The following NWD2 variants were observed in gnomAD, a reference collection of about 807,000 sequenced individuals.
The protein encoded by NWD2 is NACHT and WD repeat domain-containing protein 2.
In NWD2, 37 loss-of-function variants were observed where a neutral mutation model predicts 132.7. The observed-to-expected ratio is 0.28, with a 90% confidence interval of 0.21 to 0.37. The LOEUF (loss-of-function observed/expected upper bound fraction) is 0.37, where lower values mean the gene tolerates loss of function less well. Among genes scored for constraint, NWD2 ranks in the 10% least tolerant of loss-of-function variants. The pLI is 1.00. For missense variants in NWD2, 1,592 were observed against 2,122.4 expected (o/e 0.75, Z 4.91); for synonymous variants, 705 against 803.0 (o/e 0.88, Z 2.06).
intron 3 of NWD2, among the ~76,000 whole-genome samples, chr4:37,371,879 T>G (rs1720235319): frequency 6.6e-6 from 1 of 152,212 alleles, no homozygotes; most frequent in Non-Finnish European, 1.5e-5. Flanking sequence ...ATTTTAACAT[T>G]TTTTTCTAGA....
chr4:37,310,590 T>G (rs1376845288), intron 1 of NWD2, among the ~76,000 whole-genome samples: 2 of 4,706 alleles, frequency 4.2e-4, no homozygotes, highest in Non-Finnish European at 1.2e-3. Context: ...GTGGAAAACA[T>G]TTGCCTAATA....
chr4:37,383,615 G>A (rs997616212), intron 3 of NWD2, among the ~76,000 whole-genome samples: 3 of 152,016 alleles, frequency 2.0e-5, no homozygotes, highest in Non-Finnish European at 2.9e-5. Flanking sequence ...TGCCCCCTAC[G>A]CTGGCTCTAT....
At chr4:37,378,602 T>C (rs1445503542) in intron 3 of NWD2, among the ~76,000 whole-genome samples, 1 of 152,224 alleles carries the variant, frequency 6.6e-6, no homozygotes, top group Non-Finnish European at 1.5e-5. Flanking sequence ...GTGTTTTGCC[T>C]TGTTTCCCTG....
intron 2 of NWD2, among the ~76,000 whole-genome samples, chr4:37,328,560 C>T (rs1223690411): frequency 6.6e-6 from 1 of 152,108 alleles, no homozygotes; most frequent in Non-Finnish European, 1.5e-5. Flanking sequence ...CATGTCCCTG[C>T]AAAGGACATG....
chr4:37,337,238 G>T (rs565983608), intron 2 of NWD2, among the ~76,000 whole-genome samples: 1 of 152,236 alleles, frequency 6.6e-6, no homozygotes, highest in South Asian at 2.1e-4. Flanking sequence ...TTTTATTTCG[G>T]AATCTTAAAT....
intron 3 of NWD2, among the ~76,000 whole-genome samples, chr4:37,408,046 C>T (rs999873494): frequency 1.3e-5 from 2 of 152,240 alleles, no homozygotes; most frequent in African/African-American, 2.4e-5. Flanking sequence ...AGGAGATTCC[C>T]TCCATTGTCT....
intron 3 of NWD2, among the ~76,000 whole-genome samples, chr4:37,390,410 T>TG (rs1553897122): frequency 0.14 from 5,481 of 39,354 alleles, 117 homozygotes; most frequent in Middle Eastern, 0.19. Flanking sequence ...TAATCTGAAA[T>TG]TTTTTTTTTT....
Position 37,267,609 on chromosome 4 carries a change from C to G in NWD2, c.151+22391C>G, listed in dbSNP as rs141139377. Among the ~76,000 whole-genome samples, 16 of 152,052 alleles carry G rather than the reference C, an allele frequency of 1.1e-4. No homozygotes were observed. The East Asian group carries it at 2.9e-3, about 28-fold the overall frequency. On this transcript the variant is annotated intron_variant, in intron 1 of 6. Transcript: ENST00000309447. ...GCATCTAGTCACAATCTATGTAGAT[C>G]TACTGAAAGTCGTGGGCTGTAAATT...
chr4:37,425,808 C>A lies in NWD2; in HGVS notation c.358-4764C>A, dbSNP rs150110495. Among the ~76,000 whole-genome samples the A allele has an allele frequency of 2.7e-4, 41 of 152,304 alleles. No individual in the cohort carries two copies. In the East Asian group the frequency reaches 7.1e-3, roughly 26 times the overall value. On this transcript the variant is annotated intron_variant, in intron 3 of 6. Coordinates refer to ENST00000309447, the MANE Select transcript of NWD2 (RefSeq NM_001144990.2). The stretch of plus-strand genomic sequence containing the variant: ...TCTTTCAGTGGCTGGAATGAATACT[C>A]TATTGCCAGTGAACAGAGAAGGATG...
intron 2 of NWD2, among the ~76,000 whole-genome samples, chr4:37,329,496 G>C (rs1422967416): frequency 6.6e-6 from 1 of 152,106 alleles, no homozygotes; most frequent in Non-Finnish European, 1.5e-5. Context: ...GGAGTTGTGG[G>C]GAGGAATCCA....
At chr4:37,274,626 A>C (rs1408554899) in intron 1 of NWD2, among the ~76,000 whole-genome samples, 3 of 151,942 alleles carry the variant, frequency 2.0e-5, no homozygotes, top group African/African-American at 4.8e-5. Flanking sequence ...GAGACACAAC[A>C]AAAAAAGAGA....
intron 1 of NWD2, among the ~76,000 whole-genome samples, chr4:37,262,373 T>C (rs1328001097): frequency 6.6e-6 from 1 of 152,188 alleles, no homozygotes; most frequent in Non-Finnish European, 1.5e-5. Flanking sequence ...CAGCTTCTGT[T>C]TTCTCCACAC....
rs545458655 is a variant in NWD2 at position 37,360,091 on chromosome 4, A to C, written c.357+3609A>C. Among the ~76,000 whole-genome samples the C allele has an allele frequency of 1.5e-4, 23 of 152,306 alleles. 1 individual carries two copies. The South Asian group carries it at 3.9e-3, about 26-fold the overall frequency. ...TTCTCAGGGAACAAGTCACTAACTTAATTGTACTTTAGTGATCACATCTAT... is the reference window on the plus strand; with the variant it reads ...TTCTCAGGGAACAAGTCACTAACTTCATTGTACTTTAGTGATCACATCTAT... On this transcript the variant is annotated intron_variant, in intron 3 of 6. Transcript: ENST00000309447.
chr4:37,249,859 T>G (rs542170719), intron 1 of NWD2, among the ~76,000 whole-genome samples: 1 of 152,256 alleles, frequency 6.6e-6, no homozygotes, highest in East Asian at 1.9e-4. Context: ...TCTTCATGCC[T>G]TTGGGGTCTC....
intron 2 of NWD2, among the ~76,000 whole-genome samples, chr4:37,335,064 T>C (rs1719372599): frequency 6.6e-6 from 1 of 152,116 alleles, no homozygotes; most frequent in Non-Finnish European, 1.5e-5. Flanking sequence ...TCCACAATGT[T>C]GCTACGGTGG....
intron 2 of NWD2, among the ~76,000 whole-genome samples, chr4:37,336,236 A>G (rs1261630869): frequency 6.6e-6 from 1 of 152,172 alleles, no homozygotes; most frequent in Non-Finnish European, 1.5e-5. Flanking sequence ...TTTCTCTGAC[A>G]TGGTTTTTAA....
rs1246280404 is a variant in NWD2 at position 37,265,264 on chromosome 4, T to C, written c.151+20046T>C. ...TTAGACAAGATTTAATGGATCTAAC[T>C]GCACAGTCTCTGTGTAAAGACACAC... On this transcript the variant is annotated intron_variant, in intron 1 of 6. Transcript: ENST00000309447. Among the ~76,000 whole-genome samples, 3 of 152,278 alleles carry C rather than the reference T, an allele frequency of 2.0e-5. No homozygotes were observed. The East Asian group carries it at 5.8e-4, about 29-fold the overall frequency.
At chr4:37,379,353 G>A (rs1720407323) in intron 3 of NWD2, among the ~76,000 whole-genome samples, 1 of 142,366 alleles carries the variant, frequency 7.0e-6, no homozygotes, top group Non-Finnish European at 1.6e-5. Context: ...GGATAGTACT[G>A]TTGTCTGCAC....
chr4:37,446,176 C>G lies in NWD2; in HGVS notation c.4188C>G (p.Asn1396Lys). 6.4e-7 allele frequency: 1 copy of G among 1,551,646 alleles called. No individual in the cohort carries two copies. ...GTGGTGAAAACCTTTTTCGAATTAA[C>G]GGGCAGAGAATATCTCAGCTGCTGA... Reference protein sequence around the residue: ...TSSGENLFRINGQRISQLLIT... With the variant: ...TSSGENLFRIKGQRISQLLIT... Residue 1396 changes from asparagine (N) to lysine (K), a missense_variant, in exon 7 of 7, where the codon AAC (asparagine) becomes AAG (lysine). This residue lies in a region of NWD2 where 1,071 missense variants were observed against 1,398.0 expected (regional missense o/e 0.77). Coordinates refer to ENST00000309447, the MANE Select transcript of NWD2 (RefSeq NM_001144990.2). The surrounding 1 kb of genome is among the most constrained non-coding windows in gnomAD (Gnocchi z 6.7).
Sources: gnomAD v4.1 joint callset for allele counts (sites outside exome capture counted in the v4.1 genomes callset) on GRCh38, gnomAD v4.1.1 for gene constraint, gnomAD v4.1.1 regional missense constraint, Gnocchi (gnomAD v3.1) non-coding constraint, MANE v1.5 for transcripts, NCBI Gene and HGNC (gene_info 2026-07-23, HGNC 2026-07-21) for gene names.